KCNJ3: variants seen among roughly 807,000 people sequenced by gnomAD.
KCNJ3 encodes G protein-activated inward rectifier potassium channel 1.
KCNJ3 carries 4 observed loss-of-function variants against 39.2 expected under a neutral mutation model. The observed-to-expected ratio is 0.10, with a 90% CI of 0.05 to 0.23. KCNJ3 has a LOEUF of 0.23. Ranked by LOEUF, KCNJ3 falls within the 10% of genes least tolerant of loss-of-function variation. KCNJ3 has a pLI of 1.00. For missense variants in KCNJ3, 276 were observed against 634.9 expected (o/e 0.43, Z 6.08); for synonymous variants, 230 against 237.4 (o/e 0.97, Z 0.29).
chr2:154,735,473 A>G (rs1421093579), intron 2 of KCNJ3, among the ~76,000 whole-genome samples: 3 of 152,144 alleles, frequency 2.0e-5, no homozygotes, highest in African/African-American at 4.8e-5. Flanking sequence ...TTGGAAGACA[A>G]TCAGTTTTAC....
intron 2 of KCNJ3, among the ~76,000 whole-genome samples, chr2:154,758,954 T>C (rs1398204544): frequency 6.6e-6 from 1 of 152,200 alleles, no homozygotes; most frequent in Non-Finnish European, 1.5e-5. Flanking sequence ...ATTTCAAGTT[T>C]GCTTCTCAGG....
intron 2 of KCNJ3, among the ~76,000 whole-genome samples, chr2:154,841,670 G>T (rs902704175): frequency 6.6e-6 from 1 of 150,426 alleles, no homozygotes; most frequent in African/African-American, 2.4e-5. Context: ...GAGGGTGTAT[G>T]TATCAAGGAA....
intron 2 of KCNJ3, among the ~76,000 whole-genome samples, chr2:154,763,476 GATCC>G (rs1181391103): frequency 1.3e-5 from 2 of 151,468 alleles, no homozygotes; most frequent in African/African-American, 4.8e-5. Flanking sequence ...AGATAGTGCT[GATCC>G]ATGTCACCAT....
At chr2:154,747,897 T>G (rs1263762370) in intron 2 of KCNJ3, among the ~76,000 whole-genome samples, 1 of 151,980 alleles carries the variant, frequency 6.6e-6, no homozygotes, top group East Asian at 1.9e-4. Context: ...AAATAGTCAA[T>G]TTTTGGTCAA....
chr2:154,820,264 A>G lies in KCNJ3; in HGVS notation c.920-34463A>G, dbSNP rs566707536. On this transcript the variant is annotated intron_variant, in intron 2 of 2. Coordinates refer to ENST00000295101, the MANE Select transcript of KCNJ3 (RefSeq NM_002239.4). ...TCCCAACGTTATCGAGTTATTGAAG[A>G]AACTGAAACAATTGATAGAATTTCT... Among the ~76,000 whole-genome samples, 23 of 152,364 alleles carry G rather than the reference A, an allele frequency of 1.5e-4. No homozygotes were observed. The South Asian group carries it at 4.6e-3, about 30-fold the overall frequency.
intron 2 of KCNJ3, among the ~76,000 whole-genome samples, chr2:154,753,377 T>G (rs1444484422): frequency 6.6e-6 from 1 of 152,174 alleles, no homozygotes; most frequent in Non-Finnish European, 1.5e-5. Flanking sequence ...GAAAAATGTC[T>G]GTATTTCCTT....
At chr2:154,723,710 G>A (rs1685302309) in intron 2 of KCNJ3, among the ~76,000 whole-genome samples, 1 of 152,042 alleles carries the variant, frequency 6.6e-6, no homozygotes, top group African/African-American at 2.4e-5. Context: ...AATGGGGTAA[G>A]TACATTTAAA....
intron 2 of KCNJ3, among the ~76,000 whole-genome samples, chr2:154,816,612 A>G (rs916803678): frequency 6.6e-6 from 1 of 152,206 alleles, no homozygotes; most frequent in African/African-American, 2.4e-5. Context: ...TTTAATACAT[A>G]CAAATAATTA....
intron 2 of KCNJ3, among the ~76,000 whole-genome samples, chr2:154,771,126 A>C (rs1686235345): frequency 1.3e-5 from 2 of 152,136 alleles, no homozygotes; most frequent in Non-Finnish European, 2.9e-5. Context: ...CCTGACCTCA[A>C]GTGATCTGCC....
intron 2 of KCNJ3, among the ~76,000 whole-genome samples, chr2:154,841,187 A>G (rs1388324173): frequency 1.3e-5 from 2 of 152,184 alleles, no homozygotes; most frequent in Non-Finnish European, 2.9e-5. Flanking sequence ...ATTTATTGAG[A>G]TAATCATGTG....
At position 154,709,834 on chromosome 2, in the gene KCNJ3, A is replaced by T; in HGVS notation, c.919+15A>T. The T allele has an allele frequency of 6.2e-7, 1 of 1,612,896 alleles. No individual in the cohort carries two copies. The highest frequency in any genetic ancestry group is 1.3e-5 in the African/African-American group (1 of 74,972). On this transcript the variant is annotated intron_variant, in intron 2 of 2. Coordinates refer to ENST00000295101, the MANE Select transcript of KCNJ3 (RefSeq NM_002239.4). ...GGAAACAACTGGTGAGTAAAAACAG[A>T]TATGCCATAAAGTTTCTTTATACCA...
intron 1 of KCNJ3, among the ~76,000 whole-genome samples, chr2:154,702,332 AT>A (rs1684917639): frequency 6.6e-6 from 1 of 151,790 alleles, no homozygotes; most frequent in Non-Finnish European, 1.5e-5. Context: ...TAATTTACTA[AT>A]TTTTCTATTA....
At position 154,847,222 on chromosome 2, in the gene KCNJ3, G is replaced by A. The variant is rs375582043; in HGVS notation, c.920-7505G>A. Among the ~76,000 whole-genome samples the A allele has an allele frequency of 6.6e-5, 10 of 152,132 alleles. No homozygotes were observed. In the East Asian group the frequency reaches 1.5e-3, roughly 24 times the overall value. ...ACTGTAATGTATGCAGTGTCTTTGTGTTTTATAAAAAAGATTAAAAAAAAT... is the reference window on the plus strand; with the variant it reads ...ACTGTAATGTATGCAGTGTCTTTGTATTTTATAAAAAAGATTAAAAAAAAT... On this transcript the variant is annotated intron_variant, in intron 2 of 2. Transcript: ENST00000295101.
intron 2 of KCNJ3, among the ~76,000 whole-genome samples, chr2:154,770,957 T>C (rs1686231404): frequency 6.6e-6 from 1 of 150,898 alleles, no homozygotes; most frequent in East Asian, 1.9e-4. Flanking sequence ...GTGGCACAAT[T>C]GCAGCTCACT....
At chr2:154,850,878 A>G (rs1687746825) in intron 2 of KCNJ3, among the ~76,000 whole-genome samples, 1 of 152,178 alleles carries the variant, frequency 6.6e-6, no homozygotes, top group African/African-American at 2.4e-5. Flanking sequence ...AGAAACCCTA[A>G]AAGTTGGAAA....
chr2:154,781,266 A>C (rs1686433477), intron 2 of KCNJ3, among the ~76,000 whole-genome samples: 1 of 152,192 alleles, frequency 6.6e-6, no homozygotes, highest in African/African-American at 2.4e-5. Context: ...AAAATGATCT[A>C]TTTTTTATAA....
At position 154,699,975 on chromosome 2, in the gene KCNJ3, A is replaced by G. The variant is rs1684859407; in HGVS notation, c.702+498A>G. Among the ~76,000 whole-genome samples, 1 of 152,046 alleles carries G rather than the reference A, an allele frequency of 6.6e-6. No homozygotes were observed. The highest frequency in any genetic ancestry group is 2.1e-4 in the South Asian group (1 of 4,816). On this transcript the variant is annotated intron_variant, in intron 1 of 2. Transcript: ENST00000295101. The surrounding 1 kb of genome is among the most constrained non-coding windows in gnomAD (Gnocchi z 6.4). ...TTCTTTCCTTTTTTTCCCCCTAATA[A>G]TATTAGGAGGCGGATTACTCCTCTG...
intron 1 of KCNJ3, among the ~76,000 whole-genome samples, chr2:154,705,159 A>G (rs1684980640): frequency 6.6e-6 from 1 of 152,202 alleles, no homozygotes; most frequent in Non-Finnish European, 1.5e-5. Context: ...CTAGGAAAGA[A>G]CGTAGTTACA....
chr2:154,768,771 C>A (rs535000336), intron 2 of KCNJ3, among the ~76,000 whole-genome samples: 1 of 152,224 alleles, frequency 6.6e-6, no homozygotes, highest in African/African-American at 2.4e-5. Flanking sequence ...TATAAATTAC[C>A]TCAGGAACTA....
Sources: gnomAD v4.1 joint callset for allele counts (sites outside exome capture counted in the v4.1 genomes callset) on GRCh38, gnomAD v4.1.1 for gene constraint, Gnocchi (gnomAD v3.1) non-coding constraint, MANE v1.5 for transcripts, NCBI Gene and HGNC (gene_info 2026-07-23, HGNC 2026-07-21) for gene names.